Variants in CSMD1 observed in about 807,000 individuals in gnomAD.
CSMD1 encodes CUB and Sushi multiple domains 1, also known as CUB and sushi domain-containing protein 1.
CSMD1 carries 213 observed loss-of-function variants against 417.5 expected under a neutral mutation model. The observed-to-expected ratio is 0.51, with a 90% CI of 0.46 to 0.57. The LOEUF (loss-of-function observed/expected upper bound fraction) is 0.57. Ranked by LOEUF, CSMD1 falls within the 20% of genes least tolerant of loss-of-function variation. The pLI is 0.00. For synonymous variants in CSMD1, 2,862 were observed against 1,736.8 expected (o/e 1.65, Z -16.11); for missense variants, 6,923 against 4,529.7 (o/e 1.53, Z -15.17).
At chr8:3,984,284 A>G (rs1356689901) in intron 5 of CSMD1, among the ~76,000 whole-genome samples, 2 of 152,176 alleles carry the variant, frequency 1.3e-5, no homozygotes, top group Admixed American at 1.3e-4. Context: ...TGTCCCCAAT[A>G]AAATGTCACA....
At chr8:4,248,297 GAA>G in intron 3 of CSMD1, among the ~76,000 whole-genome samples, 1 of 152,122 alleles carries the variant, frequency 6.6e-6, no homozygotes, top group African/African-American at 2.4e-5. Context: ...CAAACAATCT[GAA>G]TTTATATACT....
chr8:3,507,923 G>C (rs1563104994), intron 10 of CSMD1, among the ~76,000 whole-genome samples: 2 of 152,060 alleles, frequency 1.3e-5, no homozygotes, highest in African/African-American at 2.4e-5. Flanking sequence ...TGTCAGATGA[G>C]TAGGTTGCAA....
At chr8:3,059,186 G>C (rs941687863) in intron 49 of CSMD1, among the ~76,000 whole-genome samples, 1 of 149,712 alleles carries the variant, frequency 6.7e-6, no homozygotes, top group Admixed American at 6.7e-5. Context: ...ATAATGGCTT[G>C]TTAAGAACTA....
At chr8:4,321,187 G>C (rs971169515) in intron 3 of CSMD1, among the ~76,000 whole-genome samples, 8 of 152,204 alleles carry the variant, frequency 5.3e-5, no homozygotes, top group African/African-American at 9.6e-5. Context: ...TCAAAGTGTA[G>C]GGTTCAACAT....
chr8:3,277,983 G>T (rs562802018), intron 26 of CSMD1, among the ~76,000 whole-genome samples: 1 of 152,142 alleles, frequency 6.6e-6, no homozygotes, highest in Non-Finnish European at 1.5e-5. Context: ...AGAAACCTTC[G>T]TGGGTATCTT....
chr8:3,674,539 T>G (rs1383391505), intron 7 of CSMD1, among the ~76,000 whole-genome samples: 1 of 152,132 alleles, frequency 6.6e-6, no homozygotes, highest in Non-Finnish European at 1.5e-5. Context: ...ACAATATTAT[T>G]AATTAAATGC....
intron 3 of CSMD1, among the ~76,000 whole-genome samples, chr8:4,411,431 G>A (rs566111915): frequency 3.3e-5 from 5 of 151,724 alleles, no homozygotes; most frequent in African/African-American, 4.9e-5. Context: ...ACACAGCAAA[G>A]GACTTTTAAT....
intron 2 of CSMD1, among the ~76,000 whole-genome samples, chr8:4,437,562 T>G (rs968845788): frequency 2.0e-5 from 3 of 152,238 alleles, no homozygotes; most frequent in Non-Finnish European, 2.9e-5. Context: ...TGCAGATATC[T>G]TGAGCAGACT....
At chr8:3,711,950 C>G (rs1447090671) in intron 6 of CSMD1, among the ~76,000 whole-genome samples, 1 of 152,162 alleles carries the variant, frequency 6.6e-6, no homozygotes, top group East Asian at 1.9e-4. Context: ...CGAGTAGTCT[C>G]TCAGGGACGA....
chr8:4,353,083 T>G lies in CSMD1; in HGVS notation c.415+66870A>C, dbSNP rs139094734. Among the ~76,000 whole-genome samples, 449 of 152,356 alleles carry G rather than the reference T, an allele frequency of 2.9e-3. 1 individual carries two copies. Among genetic ancestry groups the G allele is most frequent in the African/African-American group, 0.01 (431 of 41,586 alleles). ...TAAAATCAGATATTGTCAACTTCAC[T>G]TATTTTTTACCTGAAGTAATATAAC... On this transcript the variant is annotated intron_variant, in intron 3 of 69. Coordinates refer to ENST00000635120, the MANE Select transcript of CSMD1 (RefSeq NM_033225.6).
At chr8:3,428,648 C>T (rs1293078758) in intron 12 of CSMD1, among the ~76,000 whole-genome samples, 1 of 152,082 alleles carries the variant, frequency 6.6e-6, no homozygotes, top group East Asian at 1.9e-4. Context: ...CAGTATGCAG[C>T]TTTCTTATAA....
At chr8:4,312,661 G>A (rs1448989270) in intron 3 of CSMD1, among the ~76,000 whole-genome samples, 1 of 151,818 alleles carries the variant, frequency 6.6e-6, no homozygotes, top group African/African-American at 2.4e-5. Context: ...TGGATCACCT[G>A]AGGTCAGGAG....
In CSMD1 at chr8:4,085,795, T is replaced by A. The variant is rs1249720369; in HGVS notation, c.416-53696A>T. Among the ~76,000 whole-genome samples, 3 of 152,194 alleles carry A rather than the reference T, an allele frequency of 2.0e-5. No individual in the cohort carries two copies. The East Asian group carries it at 5.8e-4, about 29-fold the overall frequency. ...TTAAAGGAAGTAAATATGTTTATCATAAAGACACCATGAAGCTTCCTGATA... is the reference window on the plus strand; with the variant it reads ...TTAAAGGAAGTAAATATGTTTATCAAAAAGACACCATGAAGCTTCCTGATA... On this transcript the variant is annotated intron_variant, in intron 3 of 69. Transcript: ENST00000635120.
At chr8:3,290,445 C>T (rs1263733594) in intron 25 of CSMD1, among the ~76,000 whole-genome samples, 2 of 144,792 alleles carry the variant, frequency 1.4e-5, no homozygotes, top group Non-Finnish European at 2.9e-5. Context: ...AATATTGATT[C>T]TTCCTACCTA....
intron 5 of CSMD1, among the ~76,000 whole-genome samples, chr8:3,826,335 A>T (rs1802052489): frequency 6.6e-6 from 1 of 152,104 alleles, no homozygotes; most frequent in South Asian, 2.1e-4. Flanking sequence ...AATGAGCTAA[A>T]AGAATGTTTG....
In CSMD1 at chr8:4,929,282, G is replaced by C. The variant is rs10111931; in HGVS notation, c.85+65050C>G. Among the ~76,000 whole-genome samples the C allele has an allele frequency of 8.1e-3, 1,237 of 152,212 alleles. 12 individuals are homozygous for C. Among genetic ancestry groups the C allele is most frequent in the African/African-American group, 0.028 (1,156 of 41,530 alleles). On this transcript the variant is annotated intron_variant, in intron 1 of 69. Transcript: ENST00000635120. ...CAAACCTGCAGACACCGTCGTTGTGGACTTCCAGCCTCCCGAACCATGGGC... is the reference window on the plus strand; with the variant it reads ...CAAACCTGCAGACACCGTCGTTGTGCACTTCCAGCCTCCCGAACCATGGGC...
chr8:4,579,754 G>A (rs1249691910), intron 2 of CSMD1, among the ~76,000 whole-genome samples: 1 of 152,062 alleles, frequency 6.6e-6, no homozygotes, highest in Non-Finnish European at 1.5e-5. Flanking sequence ...TTTACATGGT[G>A]AATTTTTACA....
rs531440485 is a variant in CSMD1 at position 4,297,858 on chromosome 8, G to T, written c.415+122095C>A. Among the ~76,000 whole-genome samples, 11 of 152,214 alleles carry T rather than the reference G, an allele frequency of 7.2e-5. No homozygotes were observed. In the East Asian group the frequency reaches 1.9e-3, roughly 27 times the overall value. ...TGCCATTATATAAACATTGCTGGTG[G>T]TCCTGCACTTTAAAACAAGAAAATT... On this transcript the variant is annotated intron_variant, in intron 3 of 69. Coordinates refer to ENST00000635120, the MANE Select transcript of CSMD1 (RefSeq NM_033225.6).
intron 6 of CSMD1, among the ~76,000 whole-genome samples, chr8:3,726,260 C>A (rs1040295212): frequency 2.0e-5 from 3 of 152,172 alleles, no homozygotes; most frequent in African/African-American, 4.8e-5. Context: ...AAAGAACAGC[C>A]CAGCTAGGCT....
Sources: gnomAD v4.1 joint callset for allele counts (sites outside exome capture counted in the v4.1 genomes callset) on GRCh38, gnomAD v4.1.1 for gene constraint, MANE v1.5 for transcripts, NCBI Gene and HGNC (gene_info 2026-07-23, HGNC 2026-07-21) for gene names.